CRYL1: variants seen among roughly 807,000 people sequenced by gnomAD.
CRYL1 encodes crystallin lambda 1, also known as lambda-crystallin homolog.
In CRYL1, 29 loss-of-function variants were observed where a neutral mutation model predicts 36.6. The ratio of observed to expected loss-of-function variants is 0.79; its 90% CI spans 0.59 to 1.08. The LOEUF (loss-of-function observed/expected upper bound fraction) is 1.08, where lower values mean the gene tolerates loss of function less well. CRYL1 is among the 50% of genes least tolerant of loss of function. The probability of loss-of-function intolerance (pLI) is 0.00; values close to 1 mark genes in which losing one functional copy is unlikely to be tolerated. For missense variants in CRYL1, 411 were observed against 407.9 expected (o/e 1.01, Z -0.06); for synonymous variants, 152 against 151.5 (o/e 1.00, Z -0.02).
chr13:20,511,722 C>T (rs1413859072), intron 2 of CRYL1, among the ~76,000 whole-genome samples: 6 of 152,178 alleles, frequency 3.9e-5, no homozygotes, highest in African/African-American at 7.2e-5. Context: ...CGCAGGGGGA[C>T]GCGCCATGCG....
At chr13:20,487,744 A>C (rs546770387) in intron 3 of CRYL1, among the ~76,000 whole-genome samples, 1 of 151,956 alleles carries the variant, frequency 6.6e-6, no homozygotes, top group South Asian at 2.1e-4. Flanking sequence ...ACACTACTGA[A>C]CTCCAGCCTG....
At chr13:20,406,491 G>A (rs1425563091) in intron 6 of CRYL1, among the ~76,000 whole-genome samples, 2 of 152,154 alleles carry the variant, frequency 1.3e-5, no homozygotes, top group African/African-American at 4.8e-5. Flanking sequence ...ATAAAAGAAG[G>A]GGTGTCATCT....
At chr13:20,494,085 C>T (rs963793498) in intron 2 of CRYL1, among the ~76,000 whole-genome samples, 2 of 152,156 alleles carry the variant, frequency 1.3e-5, no homozygotes, top group African/African-American at 2.4e-5. Flanking sequence ...TTTAACTATA[C>T]GATTTATATA....
At chr13:20,437,408 C>T (rs2032250425) in intron 4 of CRYL1, among the ~76,000 whole-genome samples, 1 of 151,460 alleles carries the variant, frequency 6.6e-6, no homozygotes, top group Admixed American at 6.6e-5. Context: ...CCTGGGTTCA[C>T]ACCATTCTCC....
intron 3 of CRYL1, among the ~76,000 whole-genome samples, chr13:20,450,065 C>T (rs2032536634): frequency 6.6e-6 from 1 of 152,172 alleles, no homozygotes; most frequent in African/African-American, 2.4e-5. Context: ...CTATCAACAT[C>T]ATTTTTTACA....
intron 6 of CRYL1, among the ~76,000 whole-genome samples, chr13:20,405,145 C>T (rs2031332565): frequency 6.6e-6 from 1 of 152,172 alleles, no homozygotes; most frequent in African/African-American, 2.4e-5. Context: ...GTGGCAGGTG[C>T]CTGTAATCTC....
chr13:20,450,686 T>C (rs546437822), intron 3 of CRYL1, among the ~76,000 whole-genome samples: 73 of 152,244 alleles, frequency 4.8e-4, no homozygotes, highest in African/African-American at 1.7e-3. Flanking sequence ...AGAAATACCA[T>C]TTGACCCAGC....
In CRYL1 at chr13:20,432,029, G is replaced by A. The variant is rs1288145815; in HGVS notation, c.633+73C>T. The A allele has an allele frequency of 1.5e-5, 24 of 1,609,916 alleles. 1 individual carries two copies. The Admixed American group carries it at 4.0e-4, about 27-fold the overall frequency. On this transcript the variant is annotated intron_variant, in intron 5 of 7. Transcript: ENST00000298248. Reference sequence around the variant, plus strand: ...CCCAAGGAACAACTTTCACTGTCCTGCTCAACTTTGAGAGGGAGGGAAGAA... The same window carrying A: ...CCCAAGGAACAACTTTCACTGTCCTACTCAACTTTGAGAGGGAGGGAAGAA...
At chr13:20,490,165 T>TCA (rs2033481302) in intron 2 of CRYL1, among the ~76,000 whole-genome samples, 2 of 152,006 alleles carry the variant, frequency 1.3e-5, no homozygotes, top group African/African-American at 4.8e-5. Flanking sequence ...CCGAGGTGGG[T>TCA]GGATCACTTG....
At chr13:20,503,927 T>C (rs2033747023) in intron 2 of CRYL1, among the ~76,000 whole-genome samples, 1 of 152,220 alleles carries the variant, frequency 6.6e-6, no homozygotes. Context: ...CAGAGATCAC[T>C]GCTGGTGGTT....
chr13:20,478,124 T>C (rs981566226), intron 3 of CRYL1, among the ~76,000 whole-genome samples: 10 of 151,720 alleles, frequency 6.6e-5, no homozygotes, highest in African/African-American at 9.7e-5. Flanking sequence ...TAGAAGCAAA[T>C]ATTATAGTTG....
At chr13:20,409,593 G>C (rs1248672242) in intron 6 of CRYL1, among the ~76,000 whole-genome samples, 1 of 151,494 alleles carries the variant, frequency 6.6e-6, no homozygotes, top group Non-Finnish European at 1.5e-5. Context: ...GAGTGAACAG[G>C]CAACCTACAA....
chr13:20,484,477 G>A (rs2137465544), intron 3 of CRYL1, among the ~76,000 whole-genome samples: 1 of 152,270 alleles, frequency 6.6e-6, no homozygotes, highest in Non-Finnish European at 1.5e-5. Flanking sequence ...TTCGAGACCA[G>A]CCTGGCCAAC....
intron 2 of CRYL1, among the ~76,000 whole-genome samples, chr13:20,496,560 C>T (rs1458274654): frequency 1.3e-5 from 2 of 152,150 alleles, no homozygotes; most frequent in East Asian, 3.8e-4. Flanking sequence ...ATCTATTTAT[C>T]TCTGCTCCCT....
Position 20,456,637 on chromosome 13 carries a change from CA to C in CRYL1, c.277-16884del, listed in dbSNP as rs34335084. ...ACACACACACACACACACACACACA[CA>C]AAGACCACGATTCTTAAAACACACA... On this transcript the variant is annotated intron_variant, in intron 3 of 7. Transcript: ENST00000298248. 4.7e-3 allele frequency among the ~76,000 whole-genome samples: 153 copies of C among 32,270 alleles called. 4 individuals are homozygous for C. Among genetic ancestry groups the C allele is most frequent in the African/African-American group, 0.02 (116 of 5,772 alleles). The allele number at this position is 32,270 out of a possible 152,430, so 21.2% of individuals were successfully genotyped here.
intron 5 of CRYL1, among the ~76,000 whole-genome samples, chr13:20,416,121 A>T (rs1173560373): frequency 2.0e-5 from 3 of 152,190 alleles, no homozygotes; most frequent in Admixed American, 6.5e-5. Flanking sequence ...CAGCCTCGCC[A>T]CGCTTGGTGT....
chr13:20,477,342 A>G (rs1320018521), intron 3 of CRYL1, among the ~76,000 whole-genome samples: 1 of 151,444 alleles, frequency 6.6e-6, no homozygotes, highest in African/African-American at 2.4e-5. Flanking sequence ...AATCTTAAGT[A>G]ATTAATTTAT....
intron 5 of CRYL1, among the ~76,000 whole-genome samples, chr13:20,417,130 G>C (rs1382300429): frequency 6.6e-6 from 1 of 152,174 alleles, no homozygotes; most frequent in Non-Finnish European, 1.5e-5. Flanking sequence ...AGGATATCAT[G>C]TCCCCAAGGC....
intron 2 of CRYL1, among the ~76,000 whole-genome samples, chr13:20,502,813 T>C (rs2033726010): frequency 6.6e-6 from 1 of 152,094 alleles, no homozygotes; most frequent in Non-Finnish European, 1.5e-5. Context: ...GGTTAAAAAA[T>C]GGGGTACTTT....
Sources: allele counts gnomAD v4.1 joint callset (sites outside exome capture counted in the v4.1 genomes callset), GRCh38; gene constraint gnomAD v4.1.1; transcripts MANE v1.5; gene names NCBI Gene and HGNC (gene_info 2026-07-23, HGNC 2026-07-21).